The following PEX14 variants were observed in gnomAD, a reference collection of about 807,000 sequenced individuals.
PEX14 encodes peroxisomal biogenesis factor 14.
A neutral mutation model predicts 49.5 loss-of-function variants in PEX14; 15 were observed. That is an observed-to-expected ratio of 0.30 (90% CI 0.20 to 0.47). The LOEUF (loss-of-function observed/expected upper bound fraction) is 0.47. Among genes scored for constraint, PEX14 ranks in the 20% least tolerant of loss-of-function variants. The probability of loss-of-function intolerance (pLI) is 1.00; values close to 1 mark genes in which losing one functional copy is unlikely to be tolerated. For missense variants in PEX14, 398 were observed against 494.8 expected (o/e 0.80, Z 1.86); for synonymous variants, 210 against 212.7 (o/e 0.99, Z 0.11).
At chr1:10,476,259 G>A (rs976573031) in intron 1 of PEX14, among the ~76,000 whole-genome samples, 1 of 152,200 alleles carries the variant, frequency 6.6e-6, no homozygotes, top group Admixed American at 6.5e-5. Context: ...TTAGCAGTGT[G>A]AATGATTCAG....
intron 2 of PEX14, among the ~76,000 whole-genome samples, chr1:10,496,195 C>T (rs1356950915): frequency 6.6e-6 from 1 of 152,186 alleles, no homozygotes; most frequent in Non-Finnish European, 1.5e-5. Flanking sequence ...CTTTCCCAGG[C>T]TGAGGGCGAG....
At chr1:10,619,470 G>A (rs1374111872) in intron 5 of PEX14, among the ~76,000 whole-genome samples, 1 of 151,944 alleles carries the variant, frequency 6.6e-6, no homozygotes, top group African/African-American at 2.4e-5. Context: ...GCGTGCTGGT[G>A]CATGCCTGGC....
At chr1:10,617,320 C>T (rs890010254) in intron 4 of PEX14, among the ~76,000 whole-genome samples, 2 of 152,042 alleles carry the variant, frequency 1.3e-5, no homozygotes, top group Non-Finnish European at 2.9e-5. Flanking sequence ...TCTGCGGCCC[C>T]CACTTCTGAC....
At chr1:10,575,949 A>G (rs1640105910) in intron 3 of PEX14, among the ~76,000 whole-genome samples, 1 of 152,178 alleles carries the variant, frequency 6.6e-6, no homozygotes, top group African/African-American at 2.4e-5. Flanking sequence ...ATGACCAAGT[A>G]GCAACAAAAC....
rs946153966 is a variant in PEX14, at chr1:10,630,159, C to T, written c.*172C>T. 11 of 1,053,606 alleles carry T rather than the reference C, an allele frequency of 1.0e-5. No homozygotes were observed. In the African/African-American group the frequency reaches 1.1e-4, roughly 11 times the overall value. The allele number at this position is 1,053,606 out of a possible 1,614,324, so 65.3% of individuals were successfully genotyped here. ...CAGTGTGGGGAGTCACACTTCTGTCCACCTGGCCTCCTCTCGCCTGGCCGC... is the reference window on the plus strand; with the variant it reads ...CAGTGTGGGGAGTCACACTTCTGTCTACCTGGCCTCCTCTCGCCTGGCCGC... On this transcript the variant is annotated 3_prime_UTR_variant, in exon 9 of 9. Coordinates refer to ENST00000356607, the MANE Select transcript of PEX14 (RefSeq NM_004565.3). The surrounding 1 kb of genome is among the most constrained non-coding windows in gnomAD (Gnocchi z 4.1).
At chr1:10,605,067 C>T (rs567540934) in intron 4 of PEX14, among the ~76,000 whole-genome samples, 1 of 151,768 alleles carries the variant, frequency 6.6e-6, no homozygotes, top group East Asian at 2.0e-4. Context: ...TGCACTTAAA[C>T]ATTTATTCCA....
chr1:10,600,939 C>A (rs1417832119), intron 4 of PEX14, among the ~76,000 whole-genome samples: 3 of 150,360 alleles, frequency 2.0e-5, no homozygotes, highest in Admixed American at 1.3e-4. Flanking sequence ...CGAGACCACC[C>A]TGGGCAACAA....
At chr1:10,624,586 TTTC>T (rs1458910624) in intron 7 of PEX14, 149 bp downstream of exon 7, 1 of 684,080 alleles carries the variant, frequency 1.5e-6, no homozygotes, top group Non-Finnish European at 2.7e-6. Context: ...GATGCTGCCC[TTTC>T]TCTCCTTGTA....
At chr1:10,484,317 TG>T (rs1450557755) in intron 1 of PEX14, among the ~76,000 whole-genome samples, 1 of 151,628 alleles carries the variant, frequency 6.6e-6, no homozygotes, top group Non-Finnish European at 1.5e-5. Flanking sequence ...GGATTACATG[TG>T]TGAGTCACTG....
chr1:10,586,544 A>G (rs967293939), intron 3 of PEX14, among the ~76,000 whole-genome samples: 5 of 152,178 alleles, frequency 3.3e-5, no homozygotes, highest in East Asian at 1.9e-4. Flanking sequence ...TAAGACTACA[A>G]TACAACAATT....
intron 3 of PEX14, among the ~76,000 whole-genome samples, chr1:10,573,567 T>G (rs1219515086): frequency 1.3e-5 from 2 of 152,188 alleles, no homozygotes; most frequent in African/African-American, 2.4e-5. Context: ...ACACACCCAT[T>G]AGAATGGCGA....
intron 2 of PEX14, among the ~76,000 whole-genome samples, chr1:10,525,248 C>T (rs547582519): frequency 4.1e-4 from 62 of 152,004 alleles, no homozygotes; most frequent in African/African-American, 1.4e-3. Context: ...AAAGACAGTC[C>T]GTGGGTACAA....
intron 3 of PEX14, among the ~76,000 whole-genome samples, chr1:10,578,435 G>A (rs1169890303): frequency 6.6e-6 from 1 of 152,122 alleles, no homozygotes; most frequent in Non-Finnish European, 1.5e-5. Flanking sequence ...GCCTACACCA[G>A]ATCTACAGGT....
chr1:10,526,545 A>G (rs1638489204), intron 2 of PEX14, among the ~76,000 whole-genome samples: 1 of 152,178 alleles, frequency 6.6e-6, no homozygotes, highest in African/African-American at 2.4e-5. Context: ...TTTGGAACCC[A>G]TACTTTAGTT....
At chr1:10,546,462 G>A (rs1434028258) in intron 3 of PEX14, among the ~76,000 whole-genome samples, 1 of 151,790 alleles carries the variant, frequency 6.6e-6, no homozygotes, top group African/African-American at 2.4e-5. Context: ...CTACTTTGGA[G>A]GCTGAGGCAG....
In PEX14 at chr1:10,599,248, T is replaced by C; in HGVS notation, c.180T>C (p.Asp60=). 6.2e-7 allele frequency: 1 copy of C among 1,614,142 alleles called. No homozygotes were observed. The change falls in exon 4 of 9, where the codon GAT becomes GAC. Residue 60 remains aspartate (D), a synonymous_variant. Coordinates refer to ENST00000356607, the MANE Select transcript of PEX14 (RefSeq NM_004565.3). ...TCCTCTTCTCCCCAGGGCTGACAGA[T>C]GAAGAGATTGATATGGCCTTCCAGC... ...RAFLKKKGLT[D]EEIDMAFQQS... is the part of the protein sequence containing the mutation.
chr1:10,620,999 T>C (rs1641572477), intron 5 of PEX14, among the ~76,000 whole-genome samples: 2 of 152,226 alleles, frequency 1.3e-5, no homozygotes, highest in African/African-American at 4.8e-5. Context: ...ATGGAGGGCC[T>C]GTGGCCTGAC....
intron 4 of PEX14, 31 bp from the exon 5 acceptor site, chr1:10,618,301 C>T (rs1372640117): frequency 2.5e-6 from 4 of 1,593,860 alleles, no homozygotes; most frequent in Non-Finnish European, 3.4e-6. Flanking sequence ...CCATGTGCGT[C>T]TTCTAACCCT....
chr1:10,593,518 C>A (rs959440398), intron 3 of PEX14, among the ~76,000 whole-genome samples: 1 of 152,134 alleles, frequency 6.6e-6, no homozygotes, highest in African/African-American at 2.4e-5. Flanking sequence ...CCCTGCCACT[C>A]CCCATCATCT....
Sources: allele counts gnomAD v4.1 joint callset (sites outside exome capture counted in the v4.1 genomes callset), GRCh38; gene constraint gnomAD v4.1.1; non-coding constraint Gnocchi (gnomAD v3.1); transcripts MANE v1.5; gene names NCBI Gene and HGNC (gene_info 2026-07-23, HGNC 2026-07-21).